Variants in RAP1GAP2 observed in about 807,000 individuals in gnomAD.
RAP1GAP2 encodes rap1 GTPase-activating protein 2.
Under a neutral mutation model 95.0 loss-of-function variants are expected in RAP1GAP2, and 27 were observed. That is an observed-to-expected ratio of 0.28 (90% CI 0.21 to 0.39). The LOEUF (loss-of-function observed/expected upper bound fraction) is 0.39, where lower values mean the gene tolerates loss of function less well. Ranked by LOEUF, RAP1GAP2 falls within the 10% of genes least tolerant of loss-of-function variation. The pLI is 1.00. For missense variants in RAP1GAP2, 771 were observed against 970.0 expected, an observed-to-expected ratio of 0.79 and a Z score of 2.72; for synonymous variants, 373 against 380.9, an observed-to-expected ratio of 0.98 and a Z score of 0.24.
In RAP1GAP2 at chr17:2,963,490, GCCC is replaced by G; in HGVS notation, c.279+29_279+31del. 1 of 1,613,562 alleles carries G rather than the reference GCCC, an allele frequency of 6.2e-7. No individual in the cohort carries two copies. On this transcript the variant is annotated intron_variant, in intron 6 of 24. Transcript: ENST00000254695. The surrounding 1 kb of genome is among the most constrained non-coding windows in gnomAD (Gnocchi z 4.8). Reference sequence around the variant, plus strand: ...AGGTGCCCTCCCCTCACTCCCACCTGCCCTGCAGCCTGCTCTGGGTCCCGTCCC... The same window carrying G: ...AGGTGCCCTCCCCTCACTCCCACCTGTGCAGCCTGCTCTGGGTCCCGTCCC...
chr17:2,844,577 G>T (rs879414260), intron 2 of RAP1GAP2, among the ~76,000 whole-genome samples: 3 of 152,202 alleles, frequency 2.0e-5, no homozygotes, highest in Non-Finnish European at 2.9e-5. Context: ...CTCAGCTCCC[G>T]GCTGGGTGAA....
In RAP1GAP2 at chr17:2,921,625, G is replaced by C. The variant is rs868752350; in HGVS notation, c.165+16257G>C. Among the ~76,000 whole-genome samples the C allele has an allele frequency of 2.7e-5, 4 of 150,708 alleles. No individual in the cohort carries two copies. In the East Asian group the frequency reaches 7.8e-4, roughly 29 times the overall value. Reference sequence around the variant, plus strand: ...GGGTCGTTAAGGTGTCAGCAGGGTCGTTAAGGTGTCAGCAGGGCCGTTATG... The same window carrying C: ...GGGTCGTTAAGGTGTCAGCAGGGTCCTTAAGGTGTCAGCAGGGCCGTTATG... On this transcript the variant is annotated intron_variant, in intron 3 of 24. Coordinates refer to ENST00000254695, the MANE Select transcript of RAP1GAP2 (RefSeq NM_015085.5).
chr17:2,976,536 G>A (rs1305212396), intron 8 of RAP1GAP2, among the ~76,000 whole-genome samples: 6 of 152,298 alleles, frequency 3.9e-5, no homozygotes, highest in African/African-American at 1.4e-4. Context: ...GTATCAAATT[G>A]TGTGGGCTGC....
At position 2,856,765 on chromosome 17, in the gene RAP1GAP2, C is replaced by G. The variant is rs75159587; in HGVS notation, c.81-48519C>G. On this transcript the variant is annotated intron_variant, in intron 2 of 24. Coordinates refer to ENST00000254695, the MANE Select transcript of RAP1GAP2 (RefSeq NM_015085.5). The stretch of plus-strand genomic sequence containing the variant: ...CCTGAGTGCACTGTGCTCTTAAGAG[C>G]CTGCAATGCAGGCAGACATTGGTGG... Among the ~76,000 whole-genome samples, 474 of 152,328 alleles carry G rather than the reference C, an allele frequency of 3.1e-3. 3 individuals carry two copies. The highest frequency in any genetic ancestry group is 0.011 in the African/African-American group (466 of 41,562).
intron 3 of RAP1GAP2, among the ~76,000 whole-genome samples, chr17:2,945,936 C>T (rs12940794): frequency 1.3e-5 from 2 of 151,874 alleles, no homozygotes; most frequent in African/African-American, 2.4e-5. Context: ...ATTATAGGCA[C>T]GTGCCACCAC....
chr17:2,885,554 A>T (rs1597510059), intron 2 of RAP1GAP2, among the ~76,000 whole-genome samples: 1 of 152,192 alleles, frequency 6.6e-6, no homozygotes, highest in East Asian at 1.9e-4. Context: ...TCGCAGCTGC[A>T]ACCAGCTCCT....
upstream of RAP1GAP2, among the ~76,000 whole-genome samples, chr17:2,792,221 C>T (rs897756749): frequency 2.0e-5 from 3 of 152,146 alleles, no homozygotes; most frequent in East Asian, 1.9e-4. Context: ...TTGCTGTGCA[C>T]GGCACATGGA....
At chr17:2,822,627 GT>G (rs66503004) in intron 2 of RAP1GAP2, among the ~76,000 whole-genome samples, 26,641 of 127,834 alleles carry the variant, frequency 0.21, 2,852 homozygotes, top group South Asian at 0.38. Context: ...GTTTTTTTTT[GT>G]TTTTTTTTTT....
At chr17:2,944,100 G>C (rs1055621427) in intron 3 of RAP1GAP2, among the ~76,000 whole-genome samples, 1 of 142,600 alleles carries the variant, frequency 7.0e-6, no homozygotes, top group African/African-American at 2.6e-5. Context: ...TATGAGCCGA[G>C]ATTGCGCCAT....
intron 2 of RAP1GAP2, among the ~76,000 whole-genome samples, chr17:2,899,196 T>A (rs578127861): frequency 1.3e-5 from 2 of 152,292 alleles, no homozygotes; most frequent in South Asian, 2.1e-4. Flanking sequence ...AGTTTGTTTT[T>A]ATTTTTATTT....
At chr17:2,790,925 G>C (rs1160989276) in intron 1 of RAP1GAP2, among the ~76,000 whole-genome samples, 1 of 152,166 alleles carries the variant, frequency 6.6e-6, no homozygotes, top group African/African-American at 2.4e-5. Context: ...GCCGGGCGCT[G>C]CGAGCGCCGT....
chr17:2,876,612 G>A (rs765052262), intron 2 of RAP1GAP2, among the ~76,000 whole-genome samples: 2 of 152,156 alleles, frequency 1.3e-5, no homozygotes, highest in African/African-American at 4.8e-5. Context: ...TGCGGGTGAC[G>A]CCTCCAGGTA....
chr17:2,781,271 T>C (rs1362043565), intron 1 of RAP1GAP2, among the ~76,000 whole-genome samples: 1 of 152,196 alleles, frequency 6.6e-6, no homozygotes, highest in Non-Finnish European at 1.5e-5. Context: ...GCAGCAGGCA[T>C]GGGCACTTGG....
In RAP1GAP2 at chr17:2,796,669, G is replaced by T; in HGVS notation, c.44+98G>T. 1 of 1,400,428 alleles carries T rather than the reference G, an allele frequency of 7.1e-7. No individual in the cohort carries two copies. The highest frequency in any genetic ancestry group is 1.2e-5 in the South Asian group (1 of 80,818). The allele number at this position is 1,400,428 out of a possible 1,614,324, so 86.8% of individuals were successfully genotyped here. A position where few individuals can be genotyped will look rare whatever the true frequency, so the allele number is the denominator to read the frequency against. The stretch of plus-strand genomic sequence containing the variant: ...CGGCCGTGGGAACAGAGGGGCTCGG[G>T]CTGTGCCTGAGAGCTGGGTCTGCTG... On this transcript the variant is annotated intron_variant, in intron 1 of 24. Coordinates refer to ENST00000254695, the MANE Select transcript of RAP1GAP2 (RefSeq NM_015085.5). This position sits in a 1 kb window ranked among gnomAD's most constrained non-coding sequence, Gnocchi z 4.7.
rs2072201103 is a variant in RAP1GAP2, at chr17:2,857,669, G to C, written c.81-47615G>C. 6.6e-6 allele frequency among the ~76,000 whole-genome samples: 1 copy of C among 152,228 alleles called. No individual in the cohort carries two copies. The highest frequency in any genetic ancestry group is 1.5e-5 in the Non-Finnish European group (1 of 68,046). On this transcript the variant is annotated intron_variant, in intron 2 of 24. Coordinates refer to ENST00000254695, the MANE Select transcript of RAP1GAP2 (RefSeq NM_015085.5). The surrounding 1 kb of genome is among the most constrained non-coding windows in gnomAD (Gnocchi z 4.0). ...AGACACCTGGATGAAGCCTTCCTCA[G>C]AGACTGCGGTTTGGAAACCACTTTG...
At chr17:2,895,248 G>C (rs993843290) in intron 2 of RAP1GAP2, among the ~76,000 whole-genome samples, 1 of 152,158 alleles carries the variant, frequency 6.6e-6, no homozygotes, top group Non-Finnish European at 1.5e-5. Flanking sequence ...AGGTGCCCTC[G>C]GGGGCCCGCG....
At chr17:3,022,245 A>G (rs2151649285) in intron 19 of RAP1GAP2, among the ~76,000 whole-genome samples, 1 of 152,342 alleles carries the variant, frequency 6.6e-6, no homozygotes, top group Admixed American at 6.5e-5. Flanking sequence ...ACAGACTCCA[A>G]ATTATTAAAG....
At chr17:3,017,079 G>C (rs1197245306) in intron 17 of RAP1GAP2, among the ~76,000 whole-genome samples, 1 of 152,118 alleles carries the variant, frequency 6.6e-6, no homozygotes, top group Non-Finnish European at 1.5e-5. Context: ...GAGTCCCCTG[G>C]GACTTCTTTT....
At position 2,814,753 on chromosome 17, in the gene RAP1GAP2, C is replaced by T. The variant is rs545600015; in HGVS notation, c.80+14203C>T. ...GTACCACCCCCCCCAACCCCAACACCCAGCTCATTCTGAGAGGGTGGAGTG... is the reference window on the plus strand; with the variant it reads ...GTACCACCCCCCCCAACCCCAACACTCAGCTCATTCTGAGAGGGTGGAGTG... On this transcript the variant is annotated intron_variant, in intron 2 of 24. Transcript: ENST00000254695. Among the ~76,000 whole-genome samples, 4 of 152,260 alleles carry T rather than the reference C, an allele frequency of 2.6e-5. No individual in the cohort carries two copies. The South Asian group carries it at 8.3e-4, about 32-fold the overall frequency.
Sources: gnomAD v4.1 joint callset for allele counts (sites outside exome capture counted in the v4.1 genomes callset) on GRCh38, gnomAD v4.1.1 for gene constraint, Gnocchi (gnomAD v3.1) non-coding constraint, MANE v1.5 for transcripts, NCBI Gene and HGNC (gene_info 2026-07-23, HGNC 2026-07-21) for gene names.